The following AKAP13 variants were observed in gnomAD, a reference collection of about 807,000 sequenced individuals.
The protein encoded by AKAP13 is A-kinase anchoring protein 13, also known as A-kinase anchor protein 13.
In AKAP13, 80 loss-of-function variants were observed where a neutral mutation model predicts 264.5. The ratio of observed to expected loss-of-function variants is 0.30; its 90% CI spans 0.25 to 0.36. AKAP13 has a LOEUF of 0.36. AKAP13 is among the 10% of genes least tolerant of loss of function. The pLI is 1.00. For synonymous variants in AKAP13, 1,380 were observed against 1,250.2 expected (o/e 1.10, Z -2.19); for missense variants, 3,712 against 3,435.2 (o/e 1.08, Z -2.01).
chr15:85,644,076 T>TC lies in AKAP13; in HGVS notation c.4238-1740dup, dbSNP rs767914778. Reference sequence around the variant, plus strand: ...TTTTGAATTTGCTTCCCCCAAAACCTCCAAGTAGAGTTCTCTTTAACTCCT... The same window carrying TC: ...TTTTGAATTTGCTTCCCCCAAAACCTCCCAAGTAGAGTTCTCTTTAACTCCT... On this transcript the variant is annotated intron_variant, in intron 9 of 36. Coordinates refer to ENST00000394518, the MANE Select transcript of AKAP13 (RefSeq NM_007200.5). 3.0e-4 allele frequency among the ~76,000 whole-genome samples: 46 copies of TC among 152,226 alleles called. 2 individuals are homozygous for TC. The highest frequency in any genetic ancestry group is 4.6e-4 in the Admixed American group (7 of 15,290).
intron 5 of AKAP13, among the ~76,000 whole-genome samples, chr15:85,565,662 A>G (rs1463688192): frequency 6.6e-6 from 1 of 152,206 alleles, no homozygotes; most frequent in East Asian, 1.9e-4. Context: ...GAAATGTGGT[A>G]GTAGTACATA....
intron 2 of AKAP13, 58 bp downstream of exon 2, chr15:85,485,811 A>G: frequency 6.6e-7 from 1 of 1,511,148 alleles, no homozygotes. Flanking sequence ...CTTACTTGTT[A>G]TAATAAGCCA....
In AKAP13 at chr15:85,735,291, G is replaced by T; in HGVS notation, c.7441+141G>T. On this transcript the variant is annotated intron_variant, in intron 31 of 36. Transcript: ENST00000394518. ...GAGATTTCAAGACACTCAAGAGCTTGTCAGTCAGACTCATATTCATTTTGA... is the reference window on the plus strand; with the variant it reads ...GAGATTTCAAGACACTCAAGAGCTTTTCAGTCAGACTCATATTCATTTTGA... 9.2e-6 allele frequency: 11 copies of T among 1,199,448 alleles called. No individual in the cohort carries two copies. The East Asian group carries it at 9.7e-5, about 11-fold the overall frequency. The allele number at this position is 1,199,448 out of a possible 1,614,324, so 74.3% of individuals were successfully genotyped here.
chr15:85,596,226 A>G (rs2079820567), intron 8 of AKAP13, among the ~76,000 whole-genome samples: 1 of 152,188 alleles, frequency 6.6e-6, no homozygotes, highest in Non-Finnish European at 1.5e-5. Flanking sequence ...GTAAGCCAAA[A>G]TGTTTATTGT....
At position 85,579,673 on chromosome 15, in the gene AKAP13, C is replaced by A; in HGVS notation, c.1605C>A (p.Asn535Lys). ...SKPVDKISVPNCAPAASSLDG... is the reference protein window; with the variant it reads ...SKPVDKISVPKCAPAASSLDG... ...CTGTGGATAAAATCAGTGTTCCAAACTGTGCCCCTGCTGCCAGTTCCCTGG... is the reference window on the plus strand; with the variant it reads ...CTGTGGATAAAATCAGTGTTCCAAAATGTGCCCCTGCTGCCAGTTCCCTGG... Residue 535 changes from asparagine to lysine, a missense_variant, in exon 7 of 37, where the codon AAC becomes AAA. Around this residue, in one of 3 missense-constraint regions of AKAP13, gnomAD observed 2,759 missense variants for 2,411.7 expected, o/e 1.14. Coordinates refer to ENST00000394518, the MANE Select transcript of AKAP13 (RefSeq NM_007200.5). 6.2e-7 allele frequency: 1 copy of A among 1,614,210 alleles called. No individual in the cohort carries two copies. Among genetic ancestry groups the A allele is most frequent in the Non-Finnish European group, 8.5e-7 (1 of 1,180,030 alleles).
chr15:85,632,286 G>A (rs929360154), intron 8 of AKAP13, among the ~76,000 whole-genome samples: 3 of 152,174 alleles, frequency 2.0e-5, no homozygotes, highest in African/African-American at 7.2e-5. Flanking sequence ...ACACGAAGGG[G>A]TCCAGGTTGA....
intron 1 of AKAP13, among the ~76,000 whole-genome samples, chr15:85,409,536 C>T (rs1173288614): frequency 6.6e-6 from 1 of 150,766 alleles, no homozygotes; most frequent in Non-Finnish European, 1.5e-5. Flanking sequence ...ATATTAATCT[C>T]TTATTAAATA....
At chr15:85,387,472 A>G (rs894488122) in intron 1 of AKAP13, among the ~76,000 whole-genome samples, 1 of 152,128 alleles carries the variant, frequency 6.6e-6, no homozygotes, top group Non-Finnish European at 1.5e-5. Context: ...TTGGGATCAC[A>G]GTCATGCACT....
intron 1 of AKAP13, among the ~76,000 whole-genome samples, chr15:85,410,248 A>G (rs2071895916): frequency 6.6e-6 from 1 of 151,564 alleles, no homozygotes; most frequent in Non-Finnish European, 1.5e-5. Context: ...CTGTCCAGTT[A>G]GAAGCAAGTC....
At chr15:85,736,737 GA>G (rs1378974577) in intron 33 of AKAP13, among the ~76,000 whole-genome samples, 3 of 152,196 alleles carry the variant, frequency 2.0e-5, no homozygotes, top group East Asian at 1.9e-4. Context: ...TAGGGCCTGT[GA>G]AATCCCTGTG....
At chr15:85,562,627 C>T (rs1165973532) in intron 5 of AKAP13, among the ~76,000 whole-genome samples, 1 of 142,412 alleles carries the variant, frequency 7.0e-6, no homozygotes, top group Non-Finnish European at 1.5e-5. Context: ...ATATCTTAAT[C>T]CTTGAGCCTC....
intron 5 of AKAP13, among the ~76,000 whole-genome samples, chr15:85,563,329 G>T (rs75985181): frequency 0.015 from 821 of 54,214 alleles, 28 homozygotes; most frequent in Non-Finnish European, 0.027. Context: ...GAATGTGCTT[G>T]TTTTTTTTTT....
At position 85,560,091 on chromosome 15, in the gene AKAP13, G is replaced by A. The variant is rs745540859; in HGVS notation, c.663-15040G>A. Among the ~76,000 whole-genome samples, 53 of 118,702 alleles carry A rather than the reference G, an allele frequency of 4.5e-4. 1 individual carries two copies. Among genetic ancestry groups the A allele is most frequent in the Non-Finnish European group, 6.8e-4 (42 of 61,784 alleles). The allele number at this position is 118,702 out of a possible 152,430, so 77.9% of individuals were successfully genotyped here. ...GTCATGGTTTATTACTCCTGTGTTC[G>A]TTTCAAGGAGCTCCTGTGATACCTG... On this transcript the variant is annotated intron_variant, in intron 5 of 36. Coordinates refer to ENST00000394518, the MANE Select transcript of AKAP13 (RefSeq NM_007200.5).
In AKAP13 at chr15:85,657,264, C is replaced by T. The variant is rs559807077; in HGVS notation, c.4746-1273C>T. Among the ~76,000 whole-genome samples the T allele has an allele frequency of 3.1e-4, 47 of 152,304 alleles. No individual in the cohort carries two copies. The South Asian group carries it at 9.1e-3, about 30-fold the overall frequency. On this transcript the variant is annotated intron_variant, in intron 11 of 36. Transcript: ENST00000394518. ...TTATGGCTGTGTAATCACATTCATTCACTTATTTATTCAGCCAACATATAT... is the reference window on the plus strand; with the variant it reads ...TTATGGCTGTGTAATCACATTCATTTACTTATTTATTCAGCCAACATATAT...
At chr15:85,654,654 A>G (rs964895355) in intron 10 of AKAP13, among the ~76,000 whole-genome samples, 1 of 152,102 alleles carries the variant, frequency 6.6e-6, no homozygotes, top group African/African-American at 2.4e-5. Context: ...CCCTGTGTCT[A>G]AAAGAAATAC....
chr15:85,516,637 G>A (rs1349782922), intron 2 of AKAP13, among the ~76,000 whole-genome samples: 1 of 152,066 alleles, frequency 6.6e-6, no homozygotes, highest in Non-Finnish European at 1.5e-5. Context: ...GGTCCTCCCT[G>A]TGGAAATTCT....
chr15:85,555,918 A>G (rs1313004652), intron 5 of AKAP13, among the ~76,000 whole-genome samples: 2 of 152,204 alleles, frequency 1.3e-5, no homozygotes, highest in African/African-American at 2.4e-5. Flanking sequence ...AAAACTTGCT[A>G]TGGATTTTAT....
chr15:85,685,490 CTG>C (rs34565043), intron 16 of AKAP13: 26 of 134,134 alleles, frequency 1.9e-4, no homozygotes, highest in South Asian at 1.6e-3. Context: ...GTGTGTGTGT[CTG>C]TGTGTGTGTG....
intron 20 of AKAP13, 112 bp downstream of exon 20, chr15:85,716,035 G>A: frequency 7.3e-7 from 1 of 1,367,160 alleles, no homozygotes; most frequent in Non-Finnish European, 9.7e-7. Context: ...AATCTATAAG[G>A]TCATGGGTTG....
Sources: gnomAD v4.1 joint callset for allele counts (sites outside exome capture counted in the v4.1 genomes callset) on GRCh38, gnomAD v4.1.1 for gene constraint, gnomAD v4.1.1 regional missense constraint, MANE v1.5 for transcripts, NCBI Gene and HGNC (gene_info 2026-07-23, HGNC 2026-07-21) for gene names.